The following PLEKHM3 variants were observed in gnomAD, a reference collection of about 807,000 sequenced individuals.
The protein encoded by PLEKHM3 is pleckstrin homology domain containing M3, also known as pleckstrin homology domain-containing family M member 3.
A neutral mutation model predicts 81.8 loss-of-function variants in PLEKHM3; 45 were observed. That is an observed-to-expected ratio of 0.55 (90% confidence interval 0.43 to 0.71). The LOEUF is 0.71. Among genes scored for constraint, PLEKHM3 ranks in the 30% least tolerant of loss-of-function variants. The pLI, the probability that PLEKHM3 is intolerant of heterozygous loss-of-function variation, is 0.00. For synonymous variants in PLEKHM3, 352 were observed against 356.4 expected (o/e 0.99, Z 0.14); for missense variants, 788 against 924.3 (o/e 0.85, Z 1.91).
chr2:207,979,273 G>A (rs1434530444), intron 2 of PLEKHM3, among the ~76,000 whole-genome samples: 8 of 152,116 alleles, frequency 5.3e-5, no homozygotes, highest in Non-Finnish European at 7.4e-5. Context: ...AGTGGCTCAC[G>A]CCTGTAATCC....
At position 207,977,054 on chromosome 2, in the gene PLEKHM3, T is replaced by C. The variant is rs779871176; in HGVS notation, c.1143A>G (p.Thr381=). The C allele has an allele frequency of 4.3e-6, 7 of 1,614,180 alleles. No homozygotes were observed. Among genetic ancestry groups the C allele is most frequent in the Non-Finnish European group, 4.2e-6 (5 of 1,180,034 alleles). Residue 381 remains threonine (T), a synonymous_variant, in exon 3 of 8, where the codon ACA becomes ACG. Coordinates refer to ENST00000427836, the MANE Select transcript of PLEKHM3 (RefSeq NM_001080475.3). ...TAAGGTAAGCCCTGCTCAGCACAAA[T>C]GTAAATGCCTTCCAGTTGTTTTGGA... ...LTVQNNWKAF[T]FVLSRAYLMA...
chr2:207,874,705 C>T (rs1456138555), intron 6 of PLEKHM3, among the ~76,000 whole-genome samples: 1 of 151,952 alleles, frequency 6.6e-6, no homozygotes, highest in Admixed American at 6.6e-5. Flanking sequence ...GATTCTTCTG[C>T]CTCAGCCTTC....
At chr2:207,886,682 A>C (rs1687895311) in intron 6 of PLEKHM3, among the ~76,000 whole-genome samples, 1 of 152,200 alleles carries the variant, frequency 6.6e-6, no homozygotes, top group Non-Finnish European at 1.5e-5. Context: ...ACCGGAATGA[A>C]ACTTTCTGTT....
At chr2:208,013,385 G>A (rs752575362) in intron 1 of PLEKHM3, among the ~76,000 whole-genome samples, 7 of 152,042 alleles carry the variant, frequency 4.6e-5, no homozygotes, top group Admixed American at 6.6e-5. Flanking sequence ...GCATGGTGGC[G>A]CGTGCCTGTA....
chr2:207,901,306 G>C, intron 6 of PLEKHM3: 1 of 703,004 alleles, frequency 1.4e-6, no homozygotes, highest in Non-Finnish European at 2.6e-6. Flanking sequence ...TAGTGCCTGG[G>C]TCTGCAGAAC....
At chr2:207,935,027 A>G (rs930021248) in intron 4 of PLEKHM3, among the ~76,000 whole-genome samples, 3 of 152,222 alleles carry the variant, frequency 2.0e-5, no homozygotes, top group African/African-American at 7.2e-5. Flanking sequence ...GGTAGTGTGG[A>G]CTTTGTTTTT....
chr2:207,912,619 T>TGTA (rs1214942873), intron 5 of PLEKHM3, among the ~76,000 whole-genome samples: 2 of 152,164 alleles, frequency 1.3e-5, no homozygotes, highest in African/African-American at 4.8e-5. Flanking sequence ...GGATGGGAGT[T>TGTA]GTAGTATGAA....
chr2:207,918,260 C>T lies in PLEKHM3; in HGVS notation c.1887-9683G>A, dbSNP rs554116474. On this transcript the variant is annotated intron_variant, in intron 5 of 7. Coordinates refer to ENST00000427836, the MANE Select transcript of PLEKHM3 (RefSeq NM_001080475.3). ...TTTCAGTGCCGGGCGTGGTGGCTCA[C>T]ACCTGTAATCCCAGCACTTTGGGAG... Among the ~76,000 whole-genome samples, 70 of 152,324 alleles carry T rather than the reference C, an allele frequency of 4.6e-4. 2 individuals carry two copies. The highest frequency in any genetic ancestry group is 1.5e-3 in the African/African-American group (64 of 41,568).
chr2:207,903,954 G>A (rs1688523271), intron 6 of PLEKHM3, among the ~76,000 whole-genome samples: 1 of 152,196 alleles, frequency 6.6e-6, no homozygotes, highest in African/African-American at 2.4e-5. Context: ...TGGATAGACT[G>A]AAAATAACAA....
At chr2:207,844,887 G>C (rs1192465154) in intron 7 of PLEKHM3, among the ~76,000 whole-genome samples, 1 of 152,198 alleles carries the variant, frequency 6.6e-6, no homozygotes, top group Non-Finnish European at 1.5e-5. Context: ...GTGTGGTTTG[G>C]AGGGGGATTC....
At chr2:207,927,909 G>C (rs1205933404) in intron 5 of PLEKHM3, among the ~76,000 whole-genome samples, 1 of 152,186 alleles carries the variant, frequency 6.6e-6, no homozygotes, top group Admixed American at 6.5e-5. Context: ...TCACTAAATA[G>C]TCGTATTTCA....
chr2:207,901,850 A>G (rs910282193), intron 6 of PLEKHM3, among the ~76,000 whole-genome samples: 1 of 152,208 alleles, frequency 6.6e-6, no homozygotes. Context: ...TGATGTTTTA[A>G]TGGAGGCCTC....
chr2:207,886,481 T>C (rs1687889719), intron 6 of PLEKHM3, among the ~76,000 whole-genome samples: 1 of 152,238 alleles, frequency 6.6e-6, no homozygotes, highest in Non-Finnish European at 1.5e-5. Flanking sequence ...TTTAATGCTT[T>C]ATTTAAATCG....
intron 6 of PLEKHM3, among the ~76,000 whole-genome samples, chr2:207,891,047 T>C (rs10204917): frequency 0.98 from 149,636 of 152,296 alleles, 73,752 homozygotes; most frequent in Middle Eastern, 1. Context: ...AAATTGAGGC[T>C]ACTTAAACTA....
chr2:207,895,730 G>C (rs909591809), intron 6 of PLEKHM3, among the ~76,000 whole-genome samples: 6 of 152,182 alleles, frequency 3.9e-5, no homozygotes, highest in Admixed American at 2.6e-4. Flanking sequence ...AAACCCGCTA[G>C]GTGGCATATT....
chr2:208,020,788 T>C (rs920207992), intron 1 of PLEKHM3, among the ~76,000 whole-genome samples: 34 of 152,362 alleles, frequency 2.2e-4, no homozygotes, highest in Admixed American at 2.2e-3. Context: ...AATCAGCCTT[T>C]GGCCAGCAAC....
chr2:207,923,014 T>C (rs1442591672), intron 5 of PLEKHM3, among the ~76,000 whole-genome samples: 2 of 152,056 alleles, frequency 1.3e-5, no homozygotes, highest in Admixed American at 6.5e-5. Context: ...GAAATGAGTA[T>C]GTCATTTTGG....
At chr2:207,850,011 C>T (rs1373453354) in intron 7 of PLEKHM3, among the ~76,000 whole-genome samples, 1 of 152,074 alleles carries the variant, frequency 6.6e-6, no homozygotes, top group Non-Finnish European at 1.5e-5. Flanking sequence ...TTTGGTGATG[C>T]CTCGAGCTGC....
intron 5 of PLEKHM3, among the ~76,000 whole-genome samples, chr2:207,929,006 C>T (rs1689497657): frequency 6.6e-6 from 1 of 152,196 alleles, no homozygotes; most frequent in Non-Finnish European, 1.5e-5. Flanking sequence ...AACTGAGCTA[C>T]TAGCTATTAC....
Sources: allele counts gnomAD v4.1 joint callset (sites outside exome capture counted in the v4.1 genomes callset), GRCh38; gene constraint gnomAD v4.1.1; transcripts MANE v1.5; gene names NCBI Gene and HGNC (gene_info 2026-07-23, HGNC 2026-07-21).